The following INSYN2A variants were observed in gnomAD, a reference collection of about 807,000 sequenced individuals.
INSYN2A encodes the protein inhibitory synaptic factor 2A, also known as family with sequence similarity 196 member A.
INSYN2A carries 17 observed loss-of-function variants against 39.4 expected under a neutral mutation model. The observed-to-expected ratio is 0.43, with a 90% confidence interval of 0.30 to 0.65. INSYN2A has a LOEUF of 0.65. INSYN2A is among the 30% of genes least tolerant of loss of function. The pLI, the probability that INSYN2A is intolerant of heterozygous loss-of-function variation, is 0.14. For missense variants in INSYN2A, 595 were observed against 631.2 expected, an observed-to-expected ratio of 0.94 and a Z score of 0.61; for synonymous variants, 255 against 265.7, an observed-to-expected ratio of 0.96 and a Z score of 0.39.
At chr10:127,143,771 G>A (rs2051510202) in intron 5 of INSYN2A, among the ~76,000 whole-genome samples, 3 of 152,248 alleles carry the variant, frequency 2.0e-5, no homozygotes, top group Middle Eastern at 3.4e-3. Flanking sequence ...AGTCCTTTCT[G>A]GGCCTTGGTT....
chr10:127,173,494 C>T (rs2054773992), intron 4 of INSYN2A, among the ~76,000 whole-genome samples: 2 of 152,136 alleles, frequency 1.3e-5, no homozygotes, highest in Non-Finnish European at 1.5e-5. Context: ...TTCTTGTGTT[C>T]GTGGGTGTTC....
chr10:127,188,690 T>C (rs12265770), intron 2 of INSYN2A, among the ~76,000 whole-genome samples: 7 of 152,176 alleles, frequency 4.6e-5, no homozygotes, highest in Admixed American at 1.3e-4. Context: ...CTCCACTTAA[T>C]AGCCCAGAAC....
intron 2 of INSYN2A, among the ~76,000 whole-genome samples, chr10:127,187,093 C>G (rs1019691557): frequency 6.6e-6 from 1 of 152,212 alleles, no homozygotes; most frequent in Non-Finnish European, 1.5e-5. Context: ...AGCCCAGGCT[C>G]GGGCAGGCAC....
intron 4 of INSYN2A, among the ~76,000 whole-genome samples, chr10:127,155,252 A>C (rs1208329965): frequency 1.3e-5 from 2 of 151,820 alleles, no homozygotes; most frequent in Non-Finnish European, 2.9e-5. Flanking sequence ...TCCTCATTAT[A>C]TTGTCTGTTA....
chr10:127,190,678 C>A (rs543710618), intron 2 of INSYN2A, among the ~76,000 whole-genome samples: 2 of 69,444 alleles, frequency 2.9e-5, no homozygotes, highest in African/African-American at 5.9e-5. Flanking sequence ...CCCCCCCCCC[C>A]CCCCCGTTCC....
chr10:127,148,376 G>T (rs1014068324), intron 5 of INSYN2A, among the ~76,000 whole-genome samples: 30 of 152,164 alleles, frequency 2.0e-4, no homozygotes, highest in Admixed American at 2.0e-4. Context: ...CTAAATTCTG[G>T]GAGAGATGCT....
chr10:127,191,491 A>G (rs894292878), intron 2 of INSYN2A, among the ~76,000 whole-genome samples: 1 of 152,188 alleles, frequency 6.6e-6, no homozygotes, highest in African/African-American at 2.4e-5. Flanking sequence ...TGCTAAAATC[A>G]CTTACTACAA....
chr10:127,166,155 TC>T lies in INSYN2A; in HGVS notation c.1184+9056del, dbSNP rs767267666. 7.9e-5 allele frequency among the ~76,000 whole-genome samples: 12 copies of T among 152,292 alleles called. No homozygotes were observed. In the East Asian group the frequency reaches 1.5e-3, roughly 20 times the overall value. ...ATCTCGGCTCACTGCAAGCTCTGCC[TC>T]CCGGGCTCACTCCATTCTCCTGCCT... On this transcript the variant is annotated intron_variant, in intron 4 of 5. Transcript: ENST00000522781.
intron 4 of INSYN2A, among the ~76,000 whole-genome samples, chr10:127,169,908 C>T (rs2054406486): frequency 6.6e-6 from 1 of 152,150 alleles, no homozygotes. Context: ...TAACTCGTTC[C>T]ATCCCTCAGC....
At chr10:127,158,086 T>C (rs1465136232) in intron 4 of INSYN2A, among the ~76,000 whole-genome samples, 2 of 152,222 alleles carry the variant, frequency 1.3e-5, no homozygotes, top group South Asian at 2.1e-4. Flanking sequence ...AATTTTATGG[T>C]CACATTAATA....
At chr10:127,151,342 G>A (rs1457371669) in intron 5 of INSYN2A, among the ~76,000 whole-genome samples, 1 of 152,110 alleles carries the variant, frequency 6.6e-6, no homozygotes, top group African/African-American at 2.4e-5. Flanking sequence ...TTGGGAGGCA[G>A]CAGGAGTCCA....
At chr10:127,140,638 A>ACGTCTCTGGGTTG (rs2051143104) in intron 5 of INSYN2A, among the ~76,000 whole-genome samples, 1 of 147,056 alleles carries the variant, frequency 6.8e-6, no homozygotes, top group Non-Finnish European at 1.5e-5. Flanking sequence ...TTGACACACC[A>ACGTCTCTGGGTTG]AGTCTCTGGG....
At chr10:127,148,654 G>T (rs745789363) in intron 5 of INSYN2A, among the ~76,000 whole-genome samples, 22 of 152,120 alleles carry the variant, frequency 1.4e-4, no homozygotes, top group Admixed American at 6.6e-5. Flanking sequence ...AGATTAGTCC[G>T]ACAAAAGAAT....
chr10:127,183,927 A>T (rs888043179), intron 2 of INSYN2A, among the ~76,000 whole-genome samples: 1 of 152,134 alleles, frequency 6.6e-6, no homozygotes, highest in Non-Finnish European at 1.5e-5. Flanking sequence ...TGTGCATGAT[A>T]ATAAGTAGCT....
In INSYN2A at chr10:127,137,955, A is replaced by G. The variant is rs146739741; in HGVS notation, c.1322T>C (p.Ile441Thr). Reference sequence around the variant, plus strand: ...CGAAGGTATGACCTGAGTTTCCTCAATAGGGTGGAGTTTTCTTAGAACCGG... The same window carrying G: ...CGAAGGTATGACCTGAGTTTCCTCAGTAGGGTGGAGTTTTCTTAGAACCGG... ...LQPVLRKLHP[I>T]EETQVIPSPY... Residue 441 changes from isoleucine (I) to threonine (T), a missense_variant, in exon 6 of 6, where the codon ATT (isoleucine) becomes ACT (threonine). Physicochemically the swap from Ile to Thr is moderately conservative, Grantham distance 89. Transcript: ENST00000522781. The G allele has an allele frequency of 1.4e-5, 23 of 1,614,028 alleles. No homozygotes were observed. In the African/African-American group the frequency reaches 1.5e-4, roughly 10 times the overall value.
chr10:127,171,143 G>A (rs1026748785), intron 4 of INSYN2A, among the ~76,000 whole-genome samples: 1 of 152,112 alleles, frequency 6.6e-6, no homozygotes, highest in Non-Finnish European at 1.5e-5. Context: ...AGGTTAACCT[G>A]TCTCAGCCAT....
In INSYN2A at chr10:127,175,800, G is replaced by A. The variant is rs531727184; in HGVS notation, c.596C>T (p.Pro199Leu). The A allele has an allele frequency of 2.4e-5, 39 of 1,614,092 alleles. No individual in the cohort carries two copies. In the South Asian group the frequency reaches 3.3e-4, roughly 14 times the overall value. ...GVNCTEPCKS[P>L]EPLSYGEAAL... ...AGCTTCTCCATAGCTGAGCGGCTCC[G>A]GGCTTTTACAGGGCTCTGTGCAGTT... The change falls in exon 4 of 6, where the codon CCG (proline) becomes CTG (leucine). Residue 199 changes from proline to leucine, a missense_variant. Physicochemically the swap from Pro to Leu is moderately conservative, Grantham distance 98 (BLOSUM62 -3). This residue lies in a region of INSYN2A where 478 missense variants were observed against 467.4 expected (regional missense o/e 1.02). Transcript: ENST00000522781. This position sits in a 1 kb window ranked among gnomAD's most constrained non-coding sequence, Gnocchi z 6.3.
intron 4 of INSYN2A, among the ~76,000 whole-genome samples, chr10:127,170,953 T>C (rs2054519089): frequency 1.3e-5 from 2 of 152,222 alleles, no homozygotes; most frequent in South Asian, 4.1e-4. Flanking sequence ...AAAGGCGTGA[T>C]TTTGCATACT....
intron 2 of INSYN2A, among the ~76,000 whole-genome samples, chr10:127,190,874 C>T: frequency 6.6e-6 from 1 of 151,936 alleles, no homozygotes; most frequent in East Asian, 1.9e-4. Flanking sequence ...TCATCTGTGA[C>T]ACCTTCTCAA....
Sources: gnomAD v4.1 joint callset for allele counts (sites outside exome capture counted in the v4.1 genomes callset) on GRCh38, gnomAD v4.1.1 for gene constraint, gnomAD v4.1.1 regional missense constraint, Gnocchi (gnomAD v3.1) non-coding constraint, MANE v1.5 for transcripts, NCBI Gene and HGNC (gene_info 2026-07-23, HGNC 2026-07-21) for gene names.